KCNJ6: variants seen among roughly 807,000 people sequenced by gnomAD.
KCNJ6 encodes potassium inwardly rectifying channel subfamily J member 6.
KCNJ6 carries 9 observed loss-of-function variants against 34.2 expected under a neutral mutation model. That is an observed-to-expected ratio of 0.26 (90% confidence interval 0.16 to 0.46). KCNJ6 has a LOEUF of 0.46. Ranked by LOEUF, KCNJ6 falls within the 20% of genes least tolerant of loss-of-function variation. The pLI is 1.00. For missense variants in KCNJ6, 236 were observed against 531.3 expected (o/e 0.44, Z 5.46); for synonymous variants, 196 against 207.1 (o/e 0.95, Z 0.46).
intron 3 of KCNJ6, among the ~76,000 whole-genome samples, chr21:37,648,018 C>T (rs1027611513): frequency 5.9e-5 from 9 of 152,224 alleles, no homozygotes; most frequent in Admixed American, 6.5e-5. Flanking sequence ...GCCTGTGATC[C>T]GTGACTGTTC....
chr21:37,626,442 CT>C (rs1475951434), intron 3 of KCNJ6, among the ~76,000 whole-genome samples: 3 of 152,152 alleles, frequency 2.0e-5, no homozygotes, highest in Non-Finnish European at 4.4e-5. Flanking sequence ...CCACTTTTCC[CT>C]TTTCTTAAAG....
chr21:37,854,990 A>G (rs1406913979), intron 1 of KCNJ6, among the ~76,000 whole-genome samples: 1 of 152,218 alleles, frequency 6.6e-6, no homozygotes, highest in Non-Finnish European at 1.5e-5. Flanking sequence ...GAGAAAATCA[A>G]CATCATCAAC....
chr21:37,768,236 G>A (rs2055100801), intron 2 of KCNJ6, among the ~76,000 whole-genome samples: 1 of 152,112 alleles, frequency 6.6e-6, no homozygotes, highest in African/African-American at 2.4e-5. Flanking sequence ...ACTGTGACAT[G>A]TCAGTCAGGC....
intron 2 of KCNJ6, among the ~76,000 whole-genome samples, chr21:37,762,550 T>C (rs1310155540): frequency 6.6e-6 from 1 of 152,206 alleles, no homozygotes; most frequent in African/African-American, 2.4e-5. Context: ...CCGTTTCTTT[T>C]TTCGGCAGCC....
chr21:37,660,880 G>T (rs2054485167), intron 3 of KCNJ6, among the ~76,000 whole-genome samples: 1 of 152,200 alleles, frequency 6.6e-6, no homozygotes, highest in African/African-American at 2.4e-5. Flanking sequence ...TCATTTGCAT[G>T]ATTTTAAGGT....
intron 2 of KCNJ6, among the ~76,000 whole-genome samples, chr21:37,766,233 G>A (rs2055090428): frequency 6.6e-6 from 1 of 152,168 alleles, no homozygotes; most frequent in Admixed American, 6.5e-5. Context: ...GTATGTGGGT[G>A]GAGTAGGATG....
chr21:37,674,877 G>A (rs1358057848), intron 3 of KCNJ6, among the ~76,000 whole-genome samples: 1 of 152,118 alleles, frequency 6.6e-6, no homozygotes, highest in Non-Finnish European at 1.5e-5. Context: ...GGCAATAAAC[G>A]ACGAATGAAT....
At chr21:37,663,616 A>G (rs983045385) in intron 3 of KCNJ6, among the ~76,000 whole-genome samples, 1 of 152,220 alleles carries the variant, frequency 6.6e-6, no homozygotes, top group Non-Finnish European at 1.5e-5. Context: ...ATGGGACAAC[A>G]TGGATGAAGG....
chr21:37,720,507 G>T (rs1441669775), intron 2 of KCNJ6, among the ~76,000 whole-genome samples: 1 of 152,166 alleles, frequency 6.6e-6, no homozygotes, highest in Non-Finnish European at 1.5e-5. Flanking sequence ...CCTTGAAGGA[G>T]GAGGGTGTCC....
intron 3 of KCNJ6, among the ~76,000 whole-genome samples, chr21:37,685,407 T>C (rs371176805): frequency 2.7e-5 from 4 of 149,002 alleles, no homozygotes; most frequent in South Asian, 4.3e-4. Flanking sequence ...CCTGGCCGGG[T>C]GCAGTGGGTC....
rs548852983 is a variant in KCNJ6 at position 37,779,605 on chromosome 21, A to C, written c.25+61053T>G. 4.1e-4 allele frequency among the ~76,000 whole-genome samples: 63 copies of C among 152,272 alleles called. No individual in the cohort carries two copies. In the South Asian group the frequency reaches 0.013, roughly 32 times the overall value. On this transcript the variant is annotated intron_variant, in intron 2 of 3. Coordinates refer to ENST00000609713, the MANE Select transcript of KCNJ6 (RefSeq NM_002240.5). ...GGCTGTCAGATAGGGAGTATGACTG[A>C]AGAAAAGCCACTTGGGGAACCTGAG...
chr21:37,627,410 C>A (rs1000826487), intron 3 of KCNJ6, among the ~76,000 whole-genome samples: 2 of 152,178 alleles, frequency 1.3e-5, no homozygotes, highest in African/African-American at 4.8e-5. Context: ...CAACGTTTCT[C>A]TTCTGAATTA....
chr21:37,879,785 G>A (rs1280001114), intron 1 of KCNJ6, among the ~76,000 whole-genome samples: 1 of 151,606 alleles, frequency 6.6e-6, no homozygotes, highest in Non-Finnish European at 1.5e-5. Flanking sequence ...CAGAGAGAGA[G>A]ACATGCATGT....
At chr21:37,662,160 A>C (rs1044761427) in intron 3 of KCNJ6, among the ~76,000 whole-genome samples, 1 of 152,042 alleles carries the variant, frequency 6.6e-6, no homozygotes, top group Non-Finnish European at 1.5e-5. Context: ...TACATAGGTA[A>C]ATGTGTGCCA....
At chr21:37,879,906 A>T (rs929400675) in intron 1 of KCNJ6, among the ~76,000 whole-genome samples, 1 of 151,914 alleles carries the variant, frequency 6.6e-6, no homozygotes, top group African/African-American at 2.4e-5. Flanking sequence ...GAAGTAAAAA[A>T]ACCCTTTGAC....
intron 3 of KCNJ6, among the ~76,000 whole-genome samples, chr21:37,672,762 TTC>T (rs1187895263): frequency 3.3e-5 from 5 of 152,052 alleles, no homozygotes; most frequent in Non-Finnish European, 5.9e-5. Context: ...TTCCCTTCCT[TTC>T]TCTTTCTTTC....
chr21:37,636,405 G>A (rs1381050285), intron 3 of KCNJ6, among the ~76,000 whole-genome samples: 2 of 152,234 alleles, frequency 1.3e-5, no homozygotes, highest in African/African-American at 4.8e-5. Context: ...AGGGTGTGTA[G>A]GAGTGTGCGT....
intron 2 of KCNJ6, among the ~76,000 whole-genome samples, chr21:37,725,318 G>A (rs1051194560): frequency 5.3e-5 from 8 of 152,122 alleles, no homozygotes; most frequent in African/African-American, 1.9e-4. Context: ...GCTTGAACCT[G>A]GGAGGCAGAG....
intron 2 of KCNJ6, among the ~76,000 whole-genome samples, chr21:37,716,442 C>A (rs2054791845): frequency 6.6e-6 from 1 of 150,646 alleles, no homozygotes; most frequent in Non-Finnish European, 1.5e-5. Context: ...TATAGTGGCA[C>A]CATCATAGCT....
Sources: allele counts gnomAD v4.1 joint callset (sites outside exome capture counted in the v4.1 genomes callset), GRCh38; gene constraint gnomAD v4.1.1; transcripts MANE v1.5; gene names NCBI Gene and HGNC (gene_info 2026-07-23, HGNC 2026-07-21).